Variants in BCL7C observed in about 807,000 individuals in gnomAD.
BCL7C encodes the protein BAF chromatin remodeling complex subunit BCL7C.
In BCL7C, 8 loss-of-function variants were observed where a neutral mutation model predicts 26.2. The ratio of observed to expected loss-of-function variants is 0.30; its 90% CI spans 0.18 to 0.55. The LOEUF (loss-of-function observed/expected upper bound fraction) is 0.55, where lower values mean the gene tolerates loss of function less well. BCL7C is among the 20% of genes least tolerant of loss of function. The probability of loss-of-function intolerance (pLI) is 0.93; values close to 1 mark genes in which losing one functional copy is unlikely to be tolerated. For missense variants in BCL7C, 262 were observed against 298.5 expected, an observed-to-expected ratio of 0.88 and a Z score of 0.90; for synonymous variants, 90 against 116.5, an observed-to-expected ratio of 0.77 and a Z score of 1.47.
intron 5 of BCL7C, among the ~76,000 whole-genome samples, chr16:30,880,402 T>TA (rs1353881693): frequency 6.6e-6 from 1 of 151,804 alleles, no homozygotes; most frequent in Non-Finnish European, 1.5e-5. Flanking sequence ...CCTGTCTTAT[T>TA]AAAAAAGTCA....
Position 30,893,203 on chromosome 16 carries a change from G to C in BCL7C, c.171+9C>G, listed in dbSNP as rs1262869082. 1 of 1,611,856 alleles carries C rather than the reference G, an allele frequency of 6.2e-7. No homozygotes were observed. Among genetic ancestry groups the C allele is most frequent in the Non-Finnish European group, 8.5e-7 (1 of 1,178,624 alleles). On this transcript the variant is annotated intron_variant, in intron 2 of 5. Transcript: ENST00000215115. The surrounding 1 kb of genome is among the most constrained non-coding windows in gnomAD (Gnocchi z 5.2). ...GATGCAGGGCCTTGTGGGAATGGGG[G>C]TTGCTCACCTCCTCCTGGGGATCCA...
At chr16:30,885,289 C>T (rs372392934), downstream of BCL7C, among the ~76,000 whole-genome samples, 43 of 152,214 alleles carry the variant, frequency 2.8e-4, no homozygotes, top group African/African-American at 8.2e-4. Flanking sequence ...CTCTAGAAGC[C>T]GGAAAAGGCA....
Position 30,893,335 on chromosome 16 carries a change from C to A in BCL7C, c.93-45G>T, listed in dbSNP as rs762588962. 102 of 1,535,984 alleles carry A rather than the reference C, an allele frequency of 6.6e-5. 1 individual carries two copies. The South Asian group carries it at 9.5e-4, about 14-fold the overall frequency. ...TGGGTCAGAGAGGCCTGAGGGGAGA[C>A]CCACCCCCCTAGGAGCTGGACACAT... is the stretch of plus-strand genomic sequence containing the variant. On this transcript the variant is annotated intron_variant, in intron 1 of 5. Coordinates refer to ENST00000215115, the MANE Select transcript of BCL7C (RefSeq NM_004765.4). The surrounding 1 kb of genome is among the most constrained non-coding windows in gnomAD (Gnocchi z 5.2).
chr16:30,843,722 C>T (rs759807198), intron 5 of BCL7C, among the ~76,000 whole-genome samples: 1 of 151,968 alleles, frequency 6.6e-6, no homozygotes, highest in Non-Finnish European at 1.5e-5. Context: ...GCAGAGCCTT[C>T]TCTCGCTCCA....
At chr16:30,857,781 G>A (rs2054735694) in intron 5 of BCL7C, among the ~76,000 whole-genome samples, 1 of 152,150 alleles carries the variant, frequency 6.6e-6, no homozygotes, top group South Asian at 2.1e-4. Context: ...GACCAGCCTG[G>A]CCGACATGAT....
At chr16:30,849,738 C>T (rs1257303506) in intron 5 of BCL7C, among the ~76,000 whole-genome samples, 1 of 147,920 alleles carries the variant, frequency 6.8e-6, no homozygotes, top group African/African-American at 2.5e-5. Flanking sequence ...GGCATGAGCC[C>T]CTGTGCCTGG....
chr16:30,855,382 G>A (rs2054710967), intron 5 of BCL7C, among the ~76,000 whole-genome samples: 1 of 152,062 alleles, frequency 6.6e-6, no homozygotes, highest in Non-Finnish European at 1.5e-5. Context: ...GGGATTACAG[G>A]CGTGTGCCCA....
chr16:30,881,743 G>A (rs371210488), intron 5 of BCL7C, among the ~76,000 whole-genome samples: 6 of 152,046 alleles, frequency 3.9e-5, no homozygotes, highest in East Asian at 1.9e-4. Context: ...TGCCTGGAAT[G>A]CCCTTCCCCA....
intron 5 of BCL7C, chr16:30,875,498 C>G (rs991530372): frequency 6.6e-6 from 1 of 152,252 alleles, no homozygotes; most frequent in Non-Finnish European, 1.5e-5. Context: ...TTGGAAGGGT[C>G]GCGGGGCCTC....
rs565247339 is a variant in BCL7C, at chr16:30,848,285, G to T, written c.529-13137C>A. On this transcript the variant is annotated intron_variant, in intron 5 of 5. Transcript: ENST00000380317. ...CCCAGAAGGCACTCCTTTTGCTAGG[G>T]CATTGAAGGGAGCAGGTGTATCTTT... Among the ~76,000 whole-genome samples the T allele has an allele frequency of 3.3e-5, 5 of 152,278 alleles. No individual in the cohort carries two copies. In the East Asian group the frequency reaches 9.6e-4, roughly 29 times the overall value.
At chr16:30,849,535 C>T (rs2054658135) in intron 5 of BCL7C, among the ~76,000 whole-genome samples, 1 of 152,040 alleles carries the variant, frequency 6.6e-6, no homozygotes, top group African/African-American at 2.4e-5. Context: ...CACTGCAACC[C>T]CGGCATCCTG....
chr16:30,836,237 G>T (rs1175872598), intron 5 of BCL7C, among the ~76,000 whole-genome samples: 2 of 152,196 alleles, frequency 1.3e-5, no homozygotes, highest in East Asian at 3.9e-4. Context: ...TTTGGTGACA[G>T]AGCAAGAATC....
chr16:30,854,526 T>G (rs1302938467), intron 5 of BCL7C, among the ~76,000 whole-genome samples: 2 of 152,158 alleles, frequency 1.3e-5, no homozygotes, highest in Non-Finnish European at 2.9e-5. Flanking sequence ...AAACCTGGCA[T>G]TGACTTGGCC....
intron 5 of BCL7C, 93 bp downstream of exon 5, chr16:30,888,767 C>T: frequency 8.2e-7 from 1 of 1,218,120 alleles, no homozygotes; most frequent in South Asian, 1.3e-5. Context: ...TGCCTCTCCT[C>T]CAGGCCCTCA....
intron 5 of BCL7C, chr16:30,852,260 C>T (rs1329595915): frequency 6.5e-6 from 1 of 152,706 alleles, no homozygotes; most frequent in Non-Finnish European, 1.5e-5. Context: ...CTTTATGACC[C>T]ATTTTTAACT....
intron 4 of BCL7C, 69 bp downstream of exon 4, chr16:30,892,517 G>C: frequency 6.8e-7 from 1 of 1,475,778 alleles, no homozygotes; most frequent in South Asian, 1.4e-5. Flanking sequence ...ATAGGGATGA[G>C]CTGGTAGGTT....
chr16:30,884,421 A>G (rs540072226), downstream of BCL7C, among the ~76,000 whole-genome samples: 1 of 150,548 alleles, frequency 6.6e-6, no homozygotes, highest in South Asian at 2.1e-4. Context: ...CTGTCTCTCC[A>G]TGTGTGGCCT....
chr16:30,863,152 C>A (rs1411452336), intron 5 of BCL7C, among the ~76,000 whole-genome samples: 1 of 152,112 alleles, frequency 6.6e-6, no homozygotes, highest in Non-Finnish European at 1.5e-5. Flanking sequence ...TTCCTTCTTT[C>A]CTGTTCCTCA....
chr16:30,862,672 C>T (rs970940170), intron 5 of BCL7C, among the ~76,000 whole-genome samples: 7 of 152,212 alleles, frequency 4.6e-5, no homozygotes, highest in African/African-American at 1.2e-4. Context: ...TAAAAACACA[C>T]GTGCTCTCCC....
Sources: gnomAD v4.1 joint callset for allele counts (sites outside exome capture counted in the v4.1 genomes callset) on GRCh38, gnomAD v4.1.1 for gene constraint, Gnocchi (gnomAD v3.1) non-coding constraint, MANE v1.5 for transcripts, NCBI Gene and HGNC (gene_info 2026-07-23, HGNC 2026-07-21) for gene names.